The following GTF2IRD1 variants were observed in gnomAD, a reference collection of about 807,000 sequenced individuals.
GTF2IRD1 encodes the protein GTF2I repeat domain containing 1.
Under a neutral mutation model 113.2 loss-of-function variants are expected in GTF2IRD1, and 26 were observed. That is an observed-to-expected ratio of 0.23 (90% CI 0.17 to 0.32). The LOEUF (loss-of-function observed/expected upper bound fraction) is 0.32. Ranked by LOEUF, GTF2IRD1 falls within the 10% of genes least tolerant of loss-of-function variation. GTF2IRD1 has a pLI of 1.00. For synonymous variants in GTF2IRD1, 484 were observed against 529.1 expected (o/e 0.91, Z 1.17); for missense variants, 864 against 1,280.8 (o/e 0.67, Z 4.97).
intron 23 of GTF2IRD1, 112 bp downstream of exon 23, chr7:74,590,040 C>G: frequency 1.5e-6 from 1 of 665,164 alleles, no homozygotes; most frequent in South Asian, 1.7e-5. Flanking sequence ...CTGCCTGCTC[C>G]CTGGTGACAT....
chr7:74,454,755 C>G (rs1253259658), intron 1 of GTF2IRD1, among the ~76,000 whole-genome samples: 1 of 152,112 alleles, frequency 6.6e-6, no homozygotes, highest in Non-Finnish European at 1.5e-5. Flanking sequence ...CCGCTGAATC[C>G]CGGGTGGAGG....
chr7:74,473,838 G>C (rs1554332960), intron 1 of GTF2IRD1, among the ~76,000 whole-genome samples: 3 of 152,162 alleles, frequency 2.0e-5, no homozygotes, highest in African/African-American at 7.2e-5. Flanking sequence ...TCAGCTGGGT[G>C]CAGTGGCTCA....
intron 1 of GTF2IRD1, among the ~76,000 whole-genome samples, chr7:74,485,891 A>G (rs1554335487): frequency 6.6e-6 from 1 of 151,910 alleles, no homozygotes; most frequent in African/African-American, 2.4e-5. Context: ...GTGCCTCTGC[A>G]CTCCAGCCTC....
intron 8 of GTF2IRD1, among the ~76,000 whole-genome samples, chr7:74,524,515 G>A (rs999200260): frequency 5.3e-5 from 8 of 151,738 alleles, no homozygotes; most frequent in Non-Finnish European, 8.8e-5. Flanking sequence ...ACCTGAGGCC[G>A]GGAGTTCAAG....
intron 1 of GTF2IRD1, among the ~76,000 whole-genome samples, chr7:74,503,880 A>G (rs1554340226): frequency 6.6e-6 from 1 of 152,180 alleles, no homozygotes; most frequent in African/African-American, 2.4e-5. Context: ...ATAGCACCCA[A>G]TAAGTCGTTT....
At chr7:74,513,988 G>A (rs1796778581) in intron 3 of GTF2IRD1, among the ~76,000 whole-genome samples, 1 of 152,146 alleles carries the variant, frequency 6.6e-6, no homozygotes, top group African/African-American at 2.4e-5. Context: ...ACTCCAGCCT[G>A]GGTGACAGTG....
intron 16 of GTF2IRD1, among the ~76,000 whole-genome samples, chr7:74,546,116 C>T (rs1554353189): frequency 6.6e-6 from 1 of 152,022 alleles, no homozygotes; most frequent in African/African-American, 2.4e-5. Context: ...TCCCTCCGCC[C>T]TCACCCTCAT....
At chr7:74,503,720 A>T (rs1296502979) in intron 1 of GTF2IRD1, among the ~76,000 whole-genome samples, 1 of 152,200 alleles carries the variant, frequency 6.6e-6, no homozygotes, top group African/African-American at 2.4e-5. Flanking sequence ...CTGTACTCCA[A>T]TCTGGGGGAC....
intron 22 of GTF2IRD1, among the ~76,000 whole-genome samples, chr7:74,565,514 A>T (rs1376158447): frequency 2.0e-5 from 3 of 150,964 alleles, no homozygotes; most frequent in African/African-American, 7.4e-5. Context: ...AACAGAGCAC[A>T]ACCCGGTCAC....
At chr7:74,546,825 A>G (rs1554353359) in intron 16 of GTF2IRD1, among the ~76,000 whole-genome samples, 1 of 152,186 alleles carries the variant, frequency 6.6e-6, no homozygotes, top group Non-Finnish European at 1.5e-5. Context: ...GCATGAGGGC[A>G]TGGACCCAGC....
intron 19 of GTF2IRD1, among the ~76,000 whole-genome samples, chr7:74,556,473 A>T (rs1799601930): frequency 1.3e-5 from 2 of 151,338 alleles, no homozygotes; most frequent in African/African-American, 4.9e-5. Context: ...GGCACGTGCC[A>T]CCACACCCGG....
intron 1 of GTF2IRD1, among the ~76,000 whole-genome samples, chr7:74,468,713 T>A (rs1221290212): frequency 8.1e-6 from 1 of 123,426 alleles, no homozygotes; most frequent in Non-Finnish European, 1.8e-5. Flanking sequence ...TGTGTGTGTG[T>A]GTGTGTGTGT....
chr7:74,578,901 C>T (rs1169297828), intron 22 of GTF2IRD1, among the ~76,000 whole-genome samples: 1 of 151,402 alleles, frequency 6.6e-6, no homozygotes, highest in Non-Finnish European at 1.5e-5. Flanking sequence ...GCGGGAGGAT[C>T]GCTTCAGCCC....
intron 22 of GTF2IRD1, among the ~76,000 whole-genome samples, chr7:74,575,841 A>G (rs1210332487): frequency 6.6e-6 from 1 of 152,116 alleles, no homozygotes; most frequent in Non-Finnish European, 1.5e-5. Flanking sequence ...TCCAGGCTTG[A>G]GATATGATTT....
At chr7:74,539,802 C>T (rs587631290) in intron 13 of GTF2IRD1, 77 bp from the exon 14 acceptor site, 3 of 978,756 alleles carry the variant, frequency 3.1e-6, no homozygotes, top group East Asian at 2.4e-5. Flanking sequence ...GGAGACTGGG[C>T]TGGGTGGGCC....
At chr7:74,599,000 G>C (rs1802585516) in intron 25 of GTF2IRD1, among the ~76,000 whole-genome samples, 1 of 152,068 alleles carries the variant, frequency 6.6e-6, no homozygotes, top group Non-Finnish European at 1.5e-5. Flanking sequence ...GTGTCATTAA[G>C]ACCCTTCCGG....
intron 8 of GTF2IRD1, 108 bp from the exon 9 acceptor site, chr7:74,529,626 C>T: frequency 2.4e-6 from 2 of 834,204 alleles, no homozygotes; most frequent in Non-Finnish European, 1.9e-6. Context: ...CGCTACATGG[C>T]CAGAGTGGAG....
intron 15 of GTF2IRD1, among the ~76,000 whole-genome samples, chr7:74,545,115 C>T (rs1798845569): frequency 6.6e-6 from 1 of 152,192 alleles, no homozygotes; most frequent in South Asian, 2.1e-4. Flanking sequence ...AACTGAGCCT[C>T]CTCTATCTGA....
chr7:74,461,526 G>A (rs1289969459), intron 1 of GTF2IRD1, among the ~76,000 whole-genome samples: 1 of 152,154 alleles, frequency 6.6e-6, no homozygotes, highest in African/African-American at 2.4e-5. Context: ...AGTCTCATTA[G>A]GTCCTGGTCC....
Sources: allele counts gnomAD v4.1 joint callset (sites outside exome capture counted in the v4.1 genomes callset), GRCh38; gene constraint gnomAD v4.1.1; transcripts MANE v1.5; gene names NCBI Gene and HGNC (gene_info 2026-07-23, HGNC 2026-07-21).